ZNF724: variants seen among roughly 807,000 people sequenced by gnomAD.
ZNF724 encodes the protein zinc finger protein 724, also known as zinc finger protein 724 pseudogene.
In ZNF724, 14 loss-of-function variants were observed where a neutral mutation model predicts 29.3. The ratio of observed to expected loss-of-function variants is 0.48; its 90% CI spans 0.32 to 0.75. The LOEUF is 0.75. Among genes scored for constraint, ZNF724 ranks in the 30% least tolerant of loss-of-function variants. The probability of loss-of-function intolerance (pLI) is 0.04; values close to 1 mark genes in which losing one functional copy is unlikely to be tolerated. For synonymous variants in ZNF724, 180 were observed against 193.6 expected (o/e 0.93, Z 0.58); for missense variants, 557 against 571.2 (o/e 0.98, Z 0.25).
intron 1 of ZNF724, chr19:23,236,629 T>A (rs1972024882): frequency 6.6e-6 from 1 of 152,210 alleles, no homozygotes; most frequent in African/African-American, 2.4e-5. Flanking sequence ...ATAAGATTGA[T>A]CATGTTGGCC....
intron 1 of ZNF724, among the ~76,000 whole-genome samples, chr19:23,242,905 G>A (rs1972155826): frequency 6.6e-6 from 1 of 150,716 alleles, no homozygotes; most frequent in Admixed American, 6.6e-5. Flanking sequence ...CAGGTGTGGT[G>A]GCACATGCCT....
chr19:23,248,920 G>A (rs1972293819), intron 1 of ZNF724, among the ~76,000 whole-genome samples: 1 of 152,042 alleles, frequency 6.6e-6, no homozygotes, highest in African/African-American at 2.4e-5. Context: ...ACTTGAACCC[G>A]GGAGGTGGAG....
chr19:23,245,072 T>C (rs1163601147), intron 1 of ZNF724, among the ~76,000 whole-genome samples: 2 of 152,236 alleles, frequency 1.3e-5, no homozygotes, highest in Non-Finnish European at 2.9e-5. Flanking sequence ...AAACAGTTTA[T>C]GGAAAGAAAC....
At chr19:23,245,462 A>T (rs1972218728) in intron 1 of ZNF724, among the ~76,000 whole-genome samples, 1 of 152,028 alleles carries the variant, frequency 6.6e-6, no homozygotes, top group South Asian at 2.1e-4. Context: ...AAATACAAAA[A>T]ATTAGCCAGG....
chr19:23,223,175 T>G lies in ZNF724; in HGVS notation c.1070A>C (p.Lys357Thr). Residue 357 changes from lysine (K) to threonine (T), a missense_variant, in exon 4 of 4, where the codon AAG becomes ACG. Around this residue, in one of 3 missense-constraint regions of ZNF724, gnomAD observed 362 missense variants for 295.5 expected, o/e 1.22. Transcript: ENST00000418100. ...FNVSSTLTQH[K>T]RIHTGEKPYK... is the part of the protein sequence containing the mutation. ...AGGTTTCTCTCCAGTATGAATTCTCTTATGTTGAGTAAGGGTTGAGGACAC... is the reference window on the plus strand; with the variant it reads ...AGGTTTCTCTCCAGTATGAATTCTCGTATGTTGAGTAAGGGTTGAGGACAC... The G allele has an allele frequency of 7.8e-7, 1 of 1,276,044 alleles. No individual in the cohort carries two copies. Among genetic ancestry groups the G allele is most frequent in the African/African-American group, 1.5e-5 (1 of 68,534 alleles). The allele number at this position is 1,276,044 out of a possible 1,614,324, so 79.0% of individuals were successfully genotyped here.
At chr19:23,242,963 C>T (rs978073058) in intron 1 of ZNF724, among the ~76,000 whole-genome samples, 1 of 144,396 alleles carries the variant, frequency 6.9e-6, no homozygotes, top group Non-Finnish European at 1.5e-5. Flanking sequence ...AGCTTGAACT[C>T]GGAAGGCGGA....
chr19:23,248,433 C>G (rs552231006), intron 1 of ZNF724, among the ~76,000 whole-genome samples: 49 of 152,118 alleles, frequency 3.2e-4, no homozygotes, highest in African/African-American at 1.2e-3. Context: ...GGGGGATACA[C>G]GGGAGACCCT....
At chr19:23,228,979 C>T (rs1437331885) in intron 3 of ZNF724, among the ~76,000 whole-genome samples, 1 of 151,742 alleles carries the variant, frequency 6.6e-6, no homozygotes, top group Non-Finnish European at 1.5e-5. Flanking sequence ...AGGAGGATCA[C>T]CTGAACCTGG....
At position 23,223,286 on chromosome 19, in the gene ZNF724, T is replaced by A; in HGVS notation, c.959A>T (p.Asn320Ile). 1.3e-6 allele frequency: 1 copy of A among 794,428 alleles called. No individual in the cohort carries two copies. The highest frequency in any genetic ancestry group is 2.3e-6 in the Non-Finnish European group (1 of 439,700). The allele number at this position is 794,428 out of a possible 1,614,324, so 49.2% of individuals were successfully genotyped here. The change falls in exon 4 of 4, where the codon AAC becomes ATC. Residue 320 changes from asparagine to isoleucine, a missense_variant. Transcript: ENST00000418100. ...YICEHCGRAF[N>I]QSSNLTKHKR... is the part of the protein sequence containing the mutation. ...ATGTTTAGTAAGGTTCGAGGATTGG[T>A]TAAAAGCTCTGCCACAATGTTCACA...
At chr19:23,228,429 G>T (rs1232574645) in intron 3 of ZNF724, among the ~76,000 whole-genome samples, 1 of 151,666 alleles carries the variant, frequency 6.6e-6, no homozygotes, top group Non-Finnish European at 1.5e-5. Context: ...ACTCCAGCCT[G>T]GGTGACAGAG....
chr19:23,232,668 G>A (rs2145780405), intron 1 of ZNF724, among the ~76,000 whole-genome samples: 1 of 127,182 alleles, frequency 7.9e-6, no homozygotes, highest in East Asian at 2.4e-4. Context: ...ACAATAAACT[G>A]GAAATCTTGT....
At chr19:23,239,393 C>T (rs4932844) in intron 1 of ZNF724, among the ~76,000 whole-genome samples, 1 of 151,514 alleles carries the variant, frequency 6.6e-6, no homozygotes, top group Non-Finnish European at 1.5e-5. Flanking sequence ...AGCTTTGTAA[C>T]GATATAATTC....
At chr19:23,245,922 T>C (rs926999916) in intron 1 of ZNF724, among the ~76,000 whole-genome samples, 1 of 152,178 alleles carries the variant, frequency 6.6e-6, no homozygotes, top group Non-Finnish European at 1.5e-5. Context: ...TGCATCTGTC[T>C]GTGGGTCCTC....
intron 3 of ZNF724, among the ~76,000 whole-genome samples, chr19:23,228,070 G>C (rs977680334): frequency 1.3e-5 from 2 of 152,096 alleles, no homozygotes; most frequent in African/African-American, 4.8e-5. Context: ...ATGGTACACT[G>C]AGGTTGGAGA....
intron 1 of ZNF724, among the ~76,000 whole-genome samples, chr19:23,247,945 G>C (rs1972271587): frequency 6.6e-6 from 1 of 152,116 alleles, no homozygotes; most frequent in Non-Finnish European, 1.5e-5. Context: ...AATGACCCAA[G>C]AGCTGATATT....
At chr19:23,229,800 GTGTT>G (rs746709252) in intron 3 of ZNF724, among the ~76,000 whole-genome samples, 2 of 46,814 alleles carry the variant, frequency 4.3e-5, no homozygotes, top group Non-Finnish European at 1.4e-4. Flanking sequence ...ACTTGAAGAG[GTGTT>G]TGTTTCTTGA....
chr19:23,237,646 C>G (rs956418239), intron 1 of ZNF724, among the ~76,000 whole-genome samples: 1 of 148,662 alleles, frequency 6.7e-6, no homozygotes, highest in Admixed American at 6.9e-5. Context: ...GGCTCATGCC[C>G]GTAATCCCAG....
intron 1 of ZNF724, among the ~76,000 whole-genome samples, chr19:23,232,656 G>A (rs1599640887): frequency 6.8e-6 from 1 of 147,410 alleles, no homozygotes; most frequent in African/African-American, 2.5e-5. Flanking sequence ...ATTTTAATGT[G>A]TACAATAAAC....
chr19:23,235,103 C>T (rs1303898855), intron 1 of ZNF724, among the ~76,000 whole-genome samples: 1 of 152,066 alleles, frequency 6.6e-6, no homozygotes, highest in Admixed American at 6.6e-5. Flanking sequence ...ACAACATGTA[C>T]TATTGAAATG....
Sources: allele counts gnomAD v4.1 joint callset (sites outside exome capture counted in the v4.1 genomes callset), GRCh38; gene constraint gnomAD v4.1.1; regional missense constraint gnomAD v4.1.1; transcripts MANE v1.5; gene names NCBI Gene and HGNC (gene_info 2026-07-23, HGNC 2026-07-21).